CSNK1G1: variants seen among roughly 807,000 people sequenced by gnomAD.
CSNK1G1 encodes the protein casein kinase I isoform gamma-1.
Under a neutral mutation model 59.6 loss-of-function variants are expected in CSNK1G1, and 22 were observed. That is an observed-to-expected ratio of 0.37 (90% CI 0.26 to 0.53). CSNK1G1 has a LOEUF of 0.53. Among genes scored for constraint, CSNK1G1 ranks in the 20% least tolerant of loss-of-function variants. The pLI, the probability that CSNK1G1 is intolerant of heterozygous loss-of-function variation, is 0.89. For missense variants in CSNK1G1, 384 were observed against 519.5 expected (o/e 0.74, Z 2.54); for synonymous variants, 179 against 177.1 (o/e 1.01, Z -0.08).
intron 2 of CSNK1G1, among the ~76,000 whole-genome samples, chr15:64,292,785 G>A (rs533411834): frequency 7.9e-5 from 12 of 152,072 alleles, no homozygotes; most frequent in South Asian, 6.2e-4. Flanking sequence ...ATAATTAGCC[G>A]GGCATGGTGG....
At position 64,170,406 on chromosome 15, in the gene CSNK1G1, T is replaced by C. The variant is rs1226448433; in HGVS notation, c.*1525A>G. The C allele has an allele frequency of 6.6e-6, 1 of 152,632 alleles. No individual in the cohort carries two copies. The highest frequency in any genetic ancestry group is 1.5e-5 in the Non-Finnish European group (1 of 68,064). 9.5% of individuals were successfully genotyped at this position (152,632 alleles called of 1,614,324 possible). A position where few individuals can be genotyped will look rare whatever the true frequency, so the allele number is the denominator to read the frequency against. On this transcript the variant is annotated 3_prime_UTR_variant, in exon 12 of 12. Transcript: ENST00000303052. ...CATTCCAGTCTCCTTTTCCCTGGAA[T>C]GTTCCAGCACCAAACAATCTTTCCC...
At chr15:64,259,777 G>A (rs924620884) in intron 2 of CSNK1G1, among the ~76,000 whole-genome samples, 6 of 152,154 alleles carry the variant, frequency 3.9e-5, no homozygotes, top group African/African-American at 1.4e-4. Flanking sequence ...CTTGTAAGGA[G>A]ATGATTCTCA....
intron 1 of CSNK1G1, among the ~76,000 whole-genome samples, chr15:64,311,208 G>C (rs568381348): frequency 2.8e-4 from 42 of 151,818 alleles, no homozygotes; most frequent in African/African-American, 9.6e-4. Context: ...ACCATGCCCA[G>C]CTAATTTTGG....
intron 2 of CSNK1G1, among the ~76,000 whole-genome samples, chr15:64,291,309 G>C (rs1335015282): frequency 6.6e-6 from 1 of 152,156 alleles, no homozygotes; most frequent in Non-Finnish European, 1.5e-5. Flanking sequence ...ATTTTGGTCT[G>C]GGTGCAGTGG....
At chr15:64,280,884 T>G (rs1894088857) in intron 2 of CSNK1G1, among the ~76,000 whole-genome samples, 1 of 151,888 alleles carries the variant, frequency 6.6e-6, no homozygotes, top group African/African-American at 2.4e-5. Flanking sequence ...AGGAAATTCT[T>G]TTTTCTTTTT....
At chr15:64,334,396 G>T (rs544295571) in intron 1 of CSNK1G1, among the ~76,000 whole-genome samples, 2 of 152,216 alleles carry the variant, frequency 1.3e-5, no homozygotes, top group African/African-American at 2.4e-5. Flanking sequence ...TCCACAGACT[G>T]GGGGTGGAGG....
chr15:64,254,144 A>C (rs900364366), intron 3 of CSNK1G1, among the ~76,000 whole-genome samples: 5 of 152,056 alleles, frequency 3.3e-5, no homozygotes, highest in Admixed American at 6.6e-5. Context: ...CGTCTCCAAA[A>C]AAACAAACAA....
chr15:64,193,412 G>C (rs1160477689), intron 10 of CSNK1G1, among the ~76,000 whole-genome samples: 1 of 151,006 alleles, frequency 6.6e-6, no homozygotes, highest in East Asian at 1.9e-4. Context: ...AGAATTGCTT[G>C]AACCTGGGAG....
At chr15:64,353,447 C>T (rs937104793) in intron 1 of CSNK1G1, among the ~76,000 whole-genome samples, 2 of 151,814 alleles carry the variant, frequency 1.3e-5, no homozygotes, top group Non-Finnish European at 2.9e-5. Flanking sequence ...GAGATAGACA[C>T]CATCCTGGCT....
chr15:64,172,137 G>C, intron 11 of CSNK1G1, 152 bp from the exon 12 acceptor site: 1 of 683,982 alleles, frequency 1.5e-6, no homozygotes, highest in South Asian at 1.6e-5. Flanking sequence ...ACTGGAGGCA[G>C]TGGGCAGTGT....
chr15:64,253,511 G>T (rs1892200627), intron 3 of CSNK1G1, among the ~76,000 whole-genome samples: 1 of 152,068 alleles, frequency 6.6e-6, no homozygotes, highest in Admixed American at 6.5e-5. Flanking sequence ...AAATGGCATG[G>T]CAATTTTTCA....
intron 1 of CSNK1G1, among the ~76,000 whole-genome samples, chr15:64,352,407 CA>C (rs1898345561): frequency 6.7e-6 from 1 of 149,414 alleles, no homozygotes; most frequent in African/African-American, 2.5e-5. Context: ...ATAACCTTAC[CA>C]AAACTCTGTA....
intron 4 of CSNK1G1, among the ~76,000 whole-genome samples, chr15:64,245,716 G>C (rs1891713538): frequency 6.6e-6 from 1 of 151,528 alleles, no homozygotes; most frequent in African/African-American, 2.4e-5. Context: ...ACCTGACTGG[G>C]CAGTATAGCG....
chr15:64,238,350 T>C (rs1225478603), intron 4 of CSNK1G1, among the ~76,000 whole-genome samples: 4 of 151,068 alleles, frequency 2.6e-5, no homozygotes, highest in Non-Finnish European at 5.9e-5. Flanking sequence ...TAGCCAGGCA[T>C]GGTAGTGTGC....
chr15:64,261,660 C>G (rs1406588076), intron 2 of CSNK1G1, among the ~76,000 whole-genome samples: 17 of 151,784 alleles, frequency 1.1e-4, no homozygotes, highest in Admixed American at 1.1e-3. Context: ...AGGCTTAACC[C>G]TAAGAACTTA....
At chr15:64,238,518 A>AAAAAT (rs1555396879) in intron 4 of CSNK1G1, among the ~76,000 whole-genome samples, 33 of 49,232 alleles carry the variant, frequency 6.7e-4, no homozygotes, top group South Asian at 1.6e-3. Flanking sequence ...AAAAAAAAAA[A>AAAAAT]ATATATATAT....
intron 2 of CSNK1G1, among the ~76,000 whole-genome samples, chr15:64,266,955 A>C (rs1893018108): frequency 6.6e-6 from 1 of 152,336 alleles, no homozygotes; most frequent in East Asian, 1.9e-4. Context: ...CTCTAGGCAA[A>C]GATGTTTTGG....
At chr15:64,246,154 C>T (rs1891741478) in intron 4 of CSNK1G1, among the ~76,000 whole-genome samples, 1 of 152,150 alleles carries the variant, frequency 6.6e-6, no homozygotes, top group Non-Finnish European at 1.5e-5. Context: ...ACCACCCTGA[C>T]TTGATAATTA....
At chr15:64,300,968 T>C (rs1021161115) in intron 1 of CSNK1G1, among the ~76,000 whole-genome samples, 3 of 152,236 alleles carry the variant, frequency 2.0e-5, no homozygotes, top group African/African-American at 7.2e-5. Context: ...TATAGAATGC[T>C]TTCTTCTAGT....
Sources: gnomAD v4.1 joint callset for allele counts (sites outside exome capture counted in the v4.1 genomes callset) on GRCh38, gnomAD v4.1.1 for gene constraint, MANE v1.5 for transcripts, NCBI Gene and HGNC (gene_info 2026-07-23, HGNC 2026-07-21) for gene names.